KIDINS220: variants seen among roughly 807,000 people sequenced by gnomAD.
KIDINS220 encodes the protein kinase D-interacting substrate of 220 kDa.
A neutral mutation model predicts 157.6 loss-of-function variants in KIDINS220; 63 were observed. That is an observed-to-expected ratio of 0.40 (90% confidence interval 0.33 to 0.49). The LOEUF is 0.49. KIDINS220 is among the 20% of genes least tolerant of loss of function. The probability of loss-of-function intolerance (pLI) is 0.66; values close to 1 mark genes in which losing one functional copy is unlikely to be tolerated. For synonymous variants in KIDINS220, 732 were observed against 783.6 expected (o/e 0.93, Z 1.10); for missense variants, 1,772 against 2,171.2 (o/e 0.82, Z 3.65).
Position 8,736,869 on chromosome 2 carries a change from T to C in KIDINS220, c.3716A>G (p.Lys1239Arg). 1 of 1,613,818 alleles carries C rather than the reference T, an allele frequency of 6.2e-7. No homozygotes were observed. Among genetic ancestry groups the C allele is most frequent in the Non-Finnish European group, 8.5e-7 (1 of 1,179,780 alleles). The change falls in exon 27 of 30, where the codon AAG (lysine) becomes AGG (arginine). Residue 1239 changes from lysine to arginine, a missense_variant and splice_region_variant. Coordinates refer to ENST00000256707, the MANE Select transcript of KIDINS220 (RefSeq NM_020738.4). ...TCCGTGTGTAAGTGGCTGCCTCACCTTTTTGATCGTGGTACAATACTGAGG... is the reference window on the plus strand; with the variant it reads ...TCCGTGTGTAAGTGGCTGCCTCACCCTTTTGATCGTGGTACAATACTGAGG... ...MLPQYCTTIK[K>R]ANINGRVLAQ...
chr2:8,742,441 G>A (rs916770037), intron 26 of KIDINS220, among the ~76,000 whole-genome samples: 3 of 152,068 alleles, frequency 2.0e-5, no homozygotes, highest in Admixed American at 1.3e-4. Flanking sequence ...ACTGGACCCT[G>A]TTTAATGAAA....
downstream of KIDINS220, chr2:8,725,705 A>C (rs1663239749): frequency 6.6e-6 from 1 of 152,232 alleles, no homozygotes; most frequent in South Asian, 2.1e-4. Context: ...CAAAATGTTA[A>C]AATTAGAAAA....
At chr2:8,765,097 C>A (rs1669292007) in intron 22 of KIDINS220, among the ~76,000 whole-genome samples, 2 of 151,932 alleles carry the variant, frequency 1.3e-5, no homozygotes, top group South Asian at 4.2e-4. Flanking sequence ...GTGGGATGGG[C>A]CAAAGAGAAG....
chr2:8,832,849 T>C (rs1292801799), intron 1 of KIDINS220, among the ~76,000 whole-genome samples: 3 of 152,214 alleles, frequency 2.0e-5, no homozygotes, highest in Admixed American at 1.3e-4. Context: ...CTCCTGACTT[T>C]ACTACTGACC....
chr2:8,813,938 T>TA (rs1322886210), intron 4 of KIDINS220, among the ~76,000 whole-genome samples: 1 of 151,994 alleles, frequency 6.6e-6, no homozygotes, highest in Non-Finnish European at 1.5e-5. Flanking sequence ...AAAAAAAAAT[T>TA]TAAAAAATAA....
chr2:8,735,807 T>C lies in KIDINS220; in HGVS notation c.3718-1054A>G, dbSNP rs117426482. Among the ~76,000 whole-genome samples the C allele has an allele frequency of 4.2e-3, 646 of 152,280 alleles. 7 individuals are homozygous for C. The East Asian group carries it at 0.044, about 10-fold the overall frequency. The stretch of plus-strand genomic sequence containing the variant: ...CTGCTGCAACAATGCCGCGGAGCCC[T>C]AAGCACGGAGGAGGCCAGCGGCTCT... On this transcript the variant is annotated intron_variant, in intron 27 of 29. Transcript: ENST00000256707.
At chr2:8,770,585 T>C in intron 22 of KIDINS220, 85 bp downstream of exon 22, 1 of 732,428 alleles carries the variant, frequency 1.4e-6, no homozygotes, top group Non-Finnish European at 2.2e-6. Context: ...CATATTATTT[T>C]GTATTGTCTG....
chr2:8,836,772 T>C (rs1680471377), intron 1 of KIDINS220, among the ~76,000 whole-genome samples: 1 of 152,166 alleles, frequency 6.6e-6, no homozygotes, highest in Non-Finnish European at 1.5e-5. Context: ...GCCGAAGGAA[T>C]GGGAATCTCT....
chr2:8,800,279 TA>T (rs1390434143), intron 9 of KIDINS220, 120 bp downstream of exon 9: 5 of 578,870 alleles, frequency 8.6e-6, no homozygotes, highest in Non-Finnish European at 6.0e-6. Context: ...ATACGTCTGT[TA>T]AATGTACTAG....
chr2:8,744,142 AT>A (rs1452796826), intron 26 of KIDINS220, among the ~76,000 whole-genome samples: 1 of 145,224 alleles, frequency 6.9e-6, no homozygotes, highest in Admixed American at 7.0e-5. Context: ...TATGTTATAT[AT>A]TAATATAATT....
intron 11 of KIDINS220, among the ~76,000 whole-genome samples, chr2:8,794,940 T>C (rs1239080833): frequency 6.6e-6 from 1 of 152,218 alleles, no homozygotes; most frequent in South Asian, 2.1e-4. Context: ...ACTCACTATA[T>C]GTAAGGCTCT....
rs183673840 is a variant in KIDINS220, at chr2:8,750,059, G to A, written c.3414+53C>T. On this transcript the variant is annotated intron_variant, in intron 24 of 29. Transcript: ENST00000256707. ...AAACAGAATCCACAAGCAGAAAACT[G>A]AGGTTTCCCTGTAACAAATTCTTAA... is the stretch of plus-strand genomic sequence containing the variant. 7.3e-5 allele frequency: 108 copies of A among 1,483,166 alleles called. No individual in the cohort carries two copies. In the East Asian group the frequency reaches 2.3e-3, roughly 31 times the overall value. 91.9% of individuals were successfully genotyped at this position (1,483,166 alleles called of 1,614,324 possible).
chr2:8,797,871 C>A (rs552357960), intron 10 of KIDINS220, among the ~76,000 whole-genome samples: 2 of 152,332 alleles, frequency 1.3e-5, no homozygotes, highest in South Asian at 4.1e-4. Context: ...GCCTGGAACT[C>A]CTGAGCACAC....
intron 22 of KIDINS220, among the ~76,000 whole-genome samples, chr2:8,762,676 T>G (rs1159750342): frequency 6.6e-6 from 1 of 151,922 alleles, no homozygotes; most frequent in Non-Finnish European, 1.5e-5. Context: ...GAGGCGGAGC[T>G]TGCAGTGAGC....
At chr2:8,812,023 A>G (rs568403867) in intron 6 of KIDINS220, among the ~76,000 whole-genome samples, 1 of 152,204 alleles carries the variant, frequency 6.6e-6, no homozygotes, top group Non-Finnish European at 1.5e-5. Context: ...GAATTTAAGC[A>G]CAAGAGAAAC....
chr2:8,812,813 T>C (rs1676507787), intron 5 of KIDINS220, among the ~76,000 whole-genome samples: 1 of 152,188 alleles, frequency 6.6e-6, no homozygotes, highest in Non-Finnish European at 1.5e-5. Context: ...AATGTGGTTA[T>C]CTGGCCAACA....
chr2:8,772,811 A>G (rs1007941928), intron 21 of KIDINS220, among the ~76,000 whole-genome samples: 5 of 121,698 alleles, frequency 4.1e-5, no homozygotes, highest in Non-Finnish European at 8.4e-5. Flanking sequence ...TAATCTCTCT[A>G]TTGAATGACT....
intron 22 of KIDINS220, among the ~76,000 whole-genome samples, chr2:8,768,402 C>T (rs1005558499): frequency 4.6e-5 from 7 of 152,080 alleles, no homozygotes; most frequent in Non-Finnish European, 8.8e-5. Context: ...CTATTTAATT[C>T]GCTGAAATTG....
intron 4 of KIDINS220, among the ~76,000 whole-genome samples, chr2:8,816,371 T>C (rs893326716): frequency 2.0e-5 from 3 of 152,196 alleles, no homozygotes; most frequent in Non-Finnish European, 4.4e-5. Flanking sequence ...GGATAAAGAT[T>C]CACTTCTTCC....
Sources: gnomAD v4.1 joint callset for allele counts (sites outside exome capture counted in the v4.1 genomes callset) on GRCh38, gnomAD v4.1.1 for gene constraint, MANE v1.5 for transcripts, NCBI Gene and HGNC (gene_info 2026-07-23, HGNC 2026-07-21) for gene names.